The following SORCS2 variants were observed in gnomAD, a reference collection of about 807,000 sequenced individuals.
SORCS2 encodes the protein VPS10 domain-containing receptor SorCS2.
In SORCS2, 100 loss-of-function variants were observed where a neutral mutation model predicts 141.6. That is an observed-to-expected ratio of 0.71 (90% CI 0.60 to 0.83). The LOEUF is 0.83. Among genes scored for constraint, SORCS2 ranks in the 40% least tolerant of loss-of-function variants. The probability of loss-of-function intolerance (pLI) is 0.00; values close to 1 mark genes in which losing one functional copy is unlikely to be tolerated. For missense variants in SORCS2, 1,646 were observed against 1,560.2 expected, an observed-to-expected ratio of 1.05 and a Z score of -0.93; for synonymous variants, 789 against 676.9, an observed-to-expected ratio of 1.17 and a Z score of -2.57.
At chr4:7,534,213 G>T (rs963651913) in intron 3 of SORCS2, among the ~76,000 whole-genome samples, 1 of 152,220 alleles carries the variant, frequency 6.6e-6, no homozygotes, top group Non-Finnish European at 1.5e-5. Flanking sequence ...GTGTGCTGCC[G>T]AGTGGACACT....
chr4:7,650,208 C>A (rs1020047641), intron 4 of SORCS2, among the ~76,000 whole-genome samples: 1 of 152,194 alleles, frequency 6.6e-6, no homozygotes, highest in Non-Finnish European at 1.5e-5. Context: ...TCAATTGCTG[C>A]GAGCCTCCAT....
At chr4:7,305,252 C>G (rs540489044) in intron 1 of SORCS2, among the ~76,000 whole-genome samples, 1 of 151,994 alleles carries the variant, frequency 6.6e-6, no homozygotes, top group African/African-American at 2.4e-5. Flanking sequence ...AGGATGGTCT[C>G]GATCTGCTGA....
chr4:7,412,953 G>A (rs1725413798), intron 2 of SORCS2, among the ~76,000 whole-genome samples: 1 of 152,074 alleles, frequency 6.6e-6, no homozygotes, highest in Non-Finnish European at 1.5e-5. Context: ...CAGAAGCTCT[G>A]GGACCACCAT....
At chr4:7,535,051 G>A (rs1022452899) in intron 3 of SORCS2, among the ~76,000 whole-genome samples, 2 of 152,302 alleles carry the variant, frequency 1.3e-5, no homozygotes, top group East Asian at 1.9e-4. Context: ...CTGACACACC[G>A]ATCCTGATTC....
chr4:7,582,023 T>G (rs945449138), intron 3 of SORCS2, among the ~76,000 whole-genome samples: 50 of 152,244 alleles, frequency 3.3e-4, no homozygotes, highest in Admixed American at 3.0e-3. Context: ...GTAAGCATCA[T>G]TTTAATGGCT....
At chr4:7,215,452 G>A (rs888627686) in intron 1 of SORCS2, among the ~76,000 whole-genome samples, 4 of 152,180 alleles carry the variant, frequency 2.6e-5, no homozygotes, top group African/African-American at 9.6e-5. Context: ...CCTCCCTGAC[G>A]AGCGCGACCC....
chr4:7,668,028 G>A (rs1460056207), intron 8 of SORCS2, among the ~76,000 whole-genome samples: 1 of 152,212 alleles, frequency 6.6e-6, no homozygotes, highest in Non-Finnish European at 1.5e-5. Context: ...CACATGCATA[G>A]TTGAGAAACA....
chr4:7,492,367 T>C (rs180862714), intron 2 of SORCS2, among the ~76,000 whole-genome samples: 11 of 152,364 alleles, frequency 7.2e-5, no homozygotes, highest in Admixed American at 6.5e-4. Context: ...TAGCACCATG[T>C]CCACCAGGCC....
chr4:7,638,785 A>G (rs1273421409), intron 4 of SORCS2, among the ~76,000 whole-genome samples: 1 of 152,162 alleles, frequency 6.6e-6, no homozygotes, highest in Non-Finnish European at 1.5e-5. Flanking sequence ...GGCGATTAGG[A>G]TCATGCCACT....
intron 18 of SORCS2, among the ~76,000 whole-genome samples, chr4:7,720,677 A>C (rs1382266120): frequency 1.3e-5 from 2 of 152,238 alleles, no homozygotes; most frequent in African/African-American, 4.8e-5. Flanking sequence ...CCAGTTAGGA[A>C]ATGAGCAGAA....
At chr4:7,556,346 C>T (rs532938468) in intron 3 of SORCS2, among the ~76,000 whole-genome samples, 12 of 152,194 alleles carry the variant, frequency 7.9e-5, no homozygotes, top group African/African-American at 1.9e-4. Flanking sequence ...GGGGAGCTGA[C>T]GTTTGGTATA....
chr4:7,403,555 C>T (rs1008872893), intron 2 of SORCS2, among the ~76,000 whole-genome samples: 1 of 152,094 alleles, frequency 6.6e-6, no homozygotes, highest in Admixed American at 6.5e-5. Flanking sequence ...CAAGTAATAG[C>T]TGATTCCAGA....
chr4:7,479,485 T>A (rs7660150), intron 2 of SORCS2, among the ~76,000 whole-genome samples: 18,256 of 152,138 alleles, frequency 0.12, 1,479 homozygotes, highest in African/African-American at 0.24. Flanking sequence ...AACCTTTCTT[T>A]GCAATGTGCA....
At chr4:7,276,839 G>C (rs1715533162) in intron 1 of SORCS2, among the ~76,000 whole-genome samples, 2 of 152,290 alleles carry the variant, frequency 1.3e-5, no homozygotes, top group South Asian at 4.1e-4. Flanking sequence ...GGCAGACCCT[G>C]TGCTCAGAGT....
chr4:7,544,434 G>C (rs1158227443), intron 3 of SORCS2, among the ~76,000 whole-genome samples: 2 of 152,202 alleles, frequency 1.3e-5, no homozygotes. Flanking sequence ...ACCTTAGTGG[G>C]AGCATATGGA....
chr4:7,724,316 G>C (rs879300763), intron 19 of SORCS2, among the ~76,000 whole-genome samples: 2 of 134,572 alleles, frequency 1.5e-5, no homozygotes, highest in South Asian at 4.8e-4. Context: ...GGTGGTGGTG[G>C]TGGTGGTGAT....
At chr4:7,273,865 G>A (rs1387616700) in intron 1 of SORCS2, among the ~76,000 whole-genome samples, 1 of 152,216 alleles carries the variant, frequency 6.6e-6, no homozygotes, top group Non-Finnish European at 1.5e-5. Context: ...TGCATTTAGT[G>A]CCCCAGGGAT....
chr4:7,206,667 C>T (rs748809882), intron 1 of SORCS2, among the ~76,000 whole-genome samples: 2 of 149,832 alleles, frequency 1.3e-5, no homozygotes, highest in African/African-American at 4.8e-5. Context: ...GACTCATGGT[C>T]GTGGCTGTGC....
At chr4:7,726,304 G>C (rs140264229) in intron 20 of SORCS2, among the ~76,000 whole-genome samples, 20 of 152,322 alleles carry the variant, frequency 1.3e-4, no homozygotes, top group African/African-American at 4.8e-4. Context: ...GAGAAGGAAG[G>C]GGGTGCTGGG....
Sources: allele counts gnomAD v4.1 joint callset (sites outside exome capture counted in the v4.1 genomes callset), GRCh38; gene constraint gnomAD v4.1.1; transcripts MANE v1.5; gene names NCBI Gene and HGNC (gene_info 2026-07-23, HGNC 2026-07-21).